Variants in RNGTT observed in about 807,000 individuals in gnomAD.
RNGTT encodes mRNA-capping enzyme.
A neutral mutation model predicts 79.3 loss-of-function variants in RNGTT; 33 were observed. The observed-to-expected ratio is 0.42, with a 90% CI of 0.32 to 0.56. The LOEUF is 0.56. Ranked by LOEUF, RNGTT falls within the 20% of genes least tolerant of loss-of-function variation. RNGTT has a pLI of 0.17. For synonymous variants in RNGTT, 222 were observed against 235.9 expected, an observed-to-expected ratio of 0.94 and a Z score of 0.54; for missense variants, 497 against 739.1, an observed-to-expected ratio of 0.67 and a Z score of 3.80.
chr6:88,640,362 CA>C (rs1217400044), intron 14 of RNGTT, among the ~76,000 whole-genome samples: 1 of 142,992 alleles, frequency 7.0e-6, no homozygotes, highest in Non-Finnish European at 1.5e-5. Context: ...CCAACATAGG[CA>C]GCATACCGAG....
intron 14 of RNGTT, among the ~76,000 whole-genome samples, chr6:88,623,555 T>C (rs889218547): frequency 6.6e-5 from 10 of 152,022 alleles, no homozygotes; most frequent in African/African-American, 2.4e-4. Context: ...AATATAATCT[T>C]AGTATATGTG....
At chr6:88,619,133 C>T (rs185325436) in intron 14 of RNGTT, among the ~76,000 whole-genome samples, 146 of 152,052 alleles carry the variant, frequency 9.6e-4, no homozygotes, top group African/African-American at 3.3e-3. Context: ...ATCTTGCTTC[C>T]ACCTTTTCTC....
intron 4 of RNGTT, among the ~76,000 whole-genome samples, chr6:88,925,625 T>C (rs1356682774): frequency 2.0e-5 from 3 of 151,624 alleles, no homozygotes; most frequent in Admixed American, 2.0e-4. Flanking sequence ...TAGCTGTTAC[T>C]ATCATCATTA....
chr6:88,845,573 C>T (rs1781458527), intron 10 of RNGTT, among the ~76,000 whole-genome samples: 1 of 152,136 alleles, frequency 6.6e-6, no homozygotes, highest in African/African-American at 2.4e-5. Flanking sequence ...CCCATCTTTT[C>T]TGTCTTTTTC....
chr6:88,879,211 T>C (rs1002340113), intron 8 of RNGTT, among the ~76,000 whole-genome samples: 3 of 152,024 alleles, frequency 2.0e-5, no homozygotes, highest in Non-Finnish European at 1.5e-5. Context: ...CCTGGCAACA[T>C]AGTGAAACCC....
At chr6:88,903,400 C>G (rs1237080650) in intron 6 of RNGTT, among the ~76,000 whole-genome samples, 1 of 152,088 alleles carries the variant, frequency 6.6e-6, no homozygotes, top group African/African-American at 2.4e-5. Flanking sequence ...ACAAACAAAA[C>G]CTATATTTTA....
At chr6:88,777,031 T>C (rs531005931) in intron 12 of RNGTT, among the ~76,000 whole-genome samples, 17 of 152,316 alleles carry the variant, frequency 1.1e-4, no homozygotes, top group African/African-American at 4.1e-4. Context: ...TTTTTGTGTA[T>C]GGTATAAGGG....
chr6:88,653,287 T>C (rs1425675796), intron 14 of RNGTT, among the ~76,000 whole-genome samples: 1 of 152,208 alleles, frequency 6.6e-6, no homozygotes, highest in African/African-American at 2.4e-5. Flanking sequence ...AAATTGTTTA[T>C]TCTTTGTTCA....
At chr6:88,709,923 G>T (rs1403115687) in intron 13 of RNGTT, among the ~76,000 whole-genome samples, 1 of 152,208 alleles carries the variant, frequency 6.6e-6, no homozygotes, top group African/African-American at 2.4e-5. Context: ...CATATACAAA[G>T]AAGTTATGCT....
intron 1 of RNGTT, among the ~76,000 whole-genome samples, chr6:88,946,550 G>A (rs182876053): frequency 1.1e-4 from 16 of 152,216 alleles, no homozygotes; most frequent in Admixed American, 3.3e-4. Flanking sequence ...TACATTGAAA[G>A]CCCAGATATG....
chr6:88,787,435 C>A (rs750818186), intron 12 of RNGTT, among the ~76,000 whole-genome samples: 1 of 151,876 alleles, frequency 6.6e-6, no homozygotes, highest in East Asian at 1.9e-4. Context: ...CCGAGGTGGG[C>A]GGATCACAAG....
intron 12 of RNGTT, among the ~76,000 whole-genome samples, chr6:88,790,359 C>T (rs1779367215): frequency 6.6e-6 from 1 of 152,192 alleles, no homozygotes; most frequent in Non-Finnish European, 1.5e-5. Flanking sequence ...TTCTCTCCTC[C>T]ACTGCGGGCA....
At chr6:88,778,196 C>T (rs1312534964) in intron 12 of RNGTT, among the ~76,000 whole-genome samples, 1 of 151,974 alleles carries the variant, frequency 6.6e-6, no homozygotes, top group Non-Finnish European at 1.5e-5. Context: ...AAAGGTATTA[C>T]CTGAGTGTCT....
At chr6:88,903,871 C>T (rs1783555633) in intron 6 of RNGTT, among the ~76,000 whole-genome samples, 1 of 152,162 alleles carries the variant, frequency 6.6e-6, no homozygotes. Flanking sequence ...ACAACCAATA[C>T]TTTTCCTCTC....
Position 88,655,925 on chromosome 6 carries a change from G to A in RNGTT, c.1506+22428C>T, listed in dbSNP as rs114017850. Among the ~76,000 whole-genome samples the A allele has an allele frequency of 2.3e-3, 343 of 152,226 alleles. 1 individual carries two copies. The highest frequency in any genetic ancestry group is 7.8e-3 in the African/African-American group (325 of 41,542). ...GGCTGGTAAGTGAAGCTTTCATAAT[G>A]AGAAACCTAAAGAATTAGCATTAAG... On this transcript the variant is annotated intron_variant, in intron 14 of 15. Coordinates refer to ENST00000369485, the MANE Select transcript of RNGTT (RefSeq NM_003800.5).
In RNGTT at chr6:88,772,674, C is replaced by T. The variant is rs368249477; in HGVS notation, c.1339-2800G>A. On this transcript the variant is annotated intron_variant, in intron 12 of 15. Coordinates refer to ENST00000369485, the MANE Select transcript of RNGTT (RefSeq NM_003800.5). ...AGTGGCCGAAGGACATGAACAGACACTTCTCAAAAGAAGATATTTATGCAG... is the reference window on the plus strand; with the variant it reads ...AGTGGCCGAAGGACATGAACAGACATTTCTCAAAAGAAGATATTTATGCAG... Among the ~76,000 whole-genome samples, 4 of 152,222 alleles carry T rather than the reference C, an allele frequency of 2.6e-5. No homozygotes were observed. In the South Asian group the frequency reaches 6.2e-4, roughly 24 times the overall value.
chr6:88,958,344 T>G (rs898853426), intron 1 of RNGTT, among the ~76,000 whole-genome samples: 4 of 151,824 alleles, frequency 2.6e-5, no homozygotes, highest in Non-Finnish European at 4.4e-5. Flanking sequence ...CAAAAGCAAA[T>G]GCAACAAAAA....
rs1562201312 is a variant in RNGTT, at chr6:88,697,893, TATATATATGATATATATATGAAATAC to T, written c.1440-19500_1440-19475del. ...CTTGGAAAAAAATATATATATGATA[TATATATATGATATATATATGAAATAC>T]ATATATATGATATATATATGAAATA... is the stretch of plus-strand genomic sequence containing the variant. On this transcript the variant is annotated intron_variant, in intron 13 of 15. Coordinates refer to ENST00000369485, the MANE Select transcript of RNGTT (RefSeq NM_003800.5). Among the ~76,000 whole-genome samples, 62 of 82,334 alleles carry T rather than the reference TATATATATGATATATATATGAAATAC, an allele frequency of 7.5e-4. 4 individuals carry two copies. Among genetic ancestry groups the T allele is most frequent in the South Asian group, 2.7e-3 (8 of 3,000 alleles). The allele number at this position is 82,334 out of a possible 152,430, so 54.0% of individuals were successfully genotyped here. A position where few individuals can be genotyped will look rare whatever the true frequency, so the allele number is the denominator to read the frequency against.
At chr6:88,923,466 T>C (rs909794760) in intron 4 of RNGTT, among the ~76,000 whole-genome samples, 2 of 152,210 alleles carry the variant, frequency 1.3e-5, no homozygotes, top group African/African-American at 4.8e-5. Flanking sequence ...CAAAAGTGTA[T>C]GAATGCACCC....
Sources: gnomAD v4.1 joint callset for allele counts (sites outside exome capture counted in the v4.1 genomes callset) on GRCh38, gnomAD v4.1.1 for gene constraint, MANE v1.5 for transcripts, NCBI Gene and HGNC (gene_info 2026-07-23, HGNC 2026-07-21) for gene names.